MAGEC1: variants seen among roughly 807,000 people sequenced by gnomAD.
MAGEC1 encodes the protein MAGE family member C1.
In MAGEC1, 3 loss-of-function variants were observed where a neutral mutation model predicts 1.5. That is an observed-to-expected ratio of 1.97 (90% CI 0.90 to 5.10). MAGEC1 has a LOEUF of 5.10. Among genes scored for constraint, MAGEC1 ranks in the 30% most tolerant of loss-of-function variants. The probability of loss-of-function intolerance (pLI) is 0.02; values close to 1 mark genes in which losing one functional copy is unlikely to be tolerated. For missense variants in MAGEC1, 985 were observed against 803.1 expected (o/e 1.23, Z -2.74); for synonymous variants, 357 against 310.4 (o/e 1.15, Z -1.58).
chrX:141,906,701 A>G lies in MAGEC1; in HGVS notation c.1297A>G (p.Ser433Gly), dbSNP rs772957635. Residue 433 changes from serine to glycine, a missense_variant, in exon 4 of 4, where the codon AGT (serine) becomes GGT (glycine). Physicochemically the swap from Ser to Gly is moderately conservative, Grantham distance 56. Coordinates refer to ENST00000285879, the MANE Select transcript of MAGEC1 (RefSeq NM_005462.5). ...ACAGAGTTCTCCTGAGAGTGCTCAA[A>G]GTGCTTTTGAGGGTTTTCCCCAGTC... Reference protein sequence around the residue: ...ILQSSPESAQSAFEGFPQSPL... With the variant: ...ILQSSPESAQGAFEGFPQSPL... 1 of 1,202,860 alleles carries G rather than the reference A, an allele frequency of 8.3e-7. No individual in the cohort carries two copies. The highest frequency in any genetic ancestry group is 1.1e-6 in the Non-Finnish European group (1 of 891,218).
intron 3 of MAGEC1, 36 bp downstream of exon 3, chrX:141,905,112 T>C (rs920465830): frequency 4.1e-6 from 5 of 1,208,410 alleles, no homozygotes; most frequent in Non-Finnish European, 5.6e-6. Flanking sequence ...GCACTGTCCC[T>C]CTCTCCCTCA....
chrX:141,906,844 T>C lies in MAGEC1; in HGVS notation c.1440T>C (p.Ile480=), dbSNP rs911146565. ...FEGFPQSPLQ[I]PVSSSSSSST... ...GTTTTCCCCAGTCTCCTCTCCAGATTCCTGTGAGCTCCTCCTCCTCCTCCT... is the reference window on the plus strand; with the variant it reads ...GTTTTCCCCAGTCTCCTCTCCAGATCCCTGTGAGCTCCTCCTCCTCCTCCT... Residue 480 remains isoleucine (I), a synonymous_variant, in exon 4 of 4, where the codon ATT becomes ATC. Coordinates refer to ENST00000285879, the MANE Select transcript of MAGEC1 (RefSeq NM_005462.5). The C allele has an allele frequency of 8.3e-7, 1 of 1,206,415 alleles. No individual in the cohort carries two copies. The highest frequency in any genetic ancestry group is 1.8e-5 in the African/African-American group (1 of 56,071).
chrX:141,904,944 A>T, intron 2 of MAGEC1, 26 bp from the exon 3 acceptor site: 2 of 1,017,504 alleles, frequency 2.0e-6, no homozygotes, highest in Admixed American at 2.3e-5. Context: ...CTGTGCCCCG[A>T]GGTGCTTTCT....
Position 141,908,128 on chromosome X carries a change from G to A in MAGEC1, c.2724G>A (p.Leu908=). Residue 908 remains leucine (L), a synonymous_variant, in exon 4 of 4, where the codon CTG becomes CTA. Transcript: ENST00000285879. Reference sequence around the variant, plus strand: ...GCGAGCCCTTGTTCACTTATACACTGGATGAAAAGGTGGACGAGTTGGCGC... The same window carrying A: ...GCGAGCCCTTGTTCACTTATACACTAGATGAAAAGGTGGACGAGTTGGCGC... The part of the protein sequence containing the change: ...IESEPLFTYT[L]DEKVDELARF... The A allele has an allele frequency of 1.7e-6, 2 of 1,211,905 alleles. No individual in the cohort carries two copies. The highest frequency in any genetic ancestry group is 1.7e-5 in the African/African-American group (1 of 57,818).
At position 141,905,761 on chromosome X, in the gene MAGEC1, T is replaced by C; in HGVS notation, c.357T>C (p.Pro119=). 1 of 1,212,260 alleles carries C rather than the reference T, an allele frequency of 8.2e-7. No homozygotes were observed. The change falls in exon 4 of 4, where the codon CCT becomes CCC. Residue 119 remains proline (P), a synonymous_variant. Transcript: ENST00000285879. ...LSPLEISQSP[P]EGEDVQSPLQ... ...CTCTAGAGATTTCTCAGAGCCCTCC[T>C]GAGGGTGAGGATGTCCAGTCTCCTC... is the stretch of plus-strand genomic sequence containing the variant.
intron 1 of MAGEC1, 58 bp from the exon 2 acceptor site, chrX:141,904,659 G>A: frequency 5.5e-6 from 1 of 182,200 alleles, no homozygotes; most frequent in Non-Finnish European, 1.0e-5. Context: ...GACTCTGGGA[G>A]TCTGGCCAGC....
Position 141,904,811 on chromosome X carries a change from C to A in MAGEC1, c.-107C>A. ...AGGAGGCCCAGGCAGTGCCAGGAGT[C>A]AAGGTGAGTGCACGACCTGACTGTG... On this transcript the variant is annotated 5_prime_UTR_variant, in exon 2 of 4. Coordinates refer to ENST00000285879, the MANE Select transcript of MAGEC1 (RefSeq NM_005462.5). 1 of 425,048 alleles carries A rather than the reference C, an allele frequency of 2.4e-6. No homozygotes were observed. Among genetic ancestry groups the A allele is most frequent in the East Asian group, 3.9e-5 (1 of 25,784 alleles). The allele number at this position is 425,048 out of a possible 1,213,427, so 35.0% of individuals were successfully genotyped here. A position where few individuals can be genotyped will look rare whatever the true frequency, so the allele number is the denominator to read the frequency against.
rs775391750 is a variant in MAGEC1 at position 141,908,844 on chromosome X, A to G, written c.*11A>G. The G allele has an allele frequency of 2.6e-6, 3 of 1,165,767 alleles. No homozygotes were observed. The highest frequency in any genetic ancestry group is 4.1e-5 in the South Asian group (2 of 48,536). On this transcript the variant is annotated 3_prime_UTR_variant, in exon 4 of 4. Coordinates refer to ENST00000285879, the MANE Select transcript of MAGEC1 (RefSeq NM_005462.5). ...TTCTCTTCTGAGTGAAGTCTAGGGC[A>G]GATTCTTCCCTCTGAGTTTGAAGGG...
In MAGEC1 at chrX:141,906,139, ACTGAGTC is replaced by A; in HGVS notation, c.736_742del (p.Leu246PhefsTer25). 1.2e-5 allele frequency: 9 copies of A among 754,803 alleles called. 4 individuals are homozygous for A. Among genetic ancestry groups the A allele is most frequent in the Middle Eastern group, 6.1e-4 (2 of 3,267 alleles). 62.2% of individuals were successfully genotyped at this position (754,803 alleles called of 1,213,427 possible). On this transcript the variant is annotated frameshift_variant, in exon 4 of 4. Coordinates refer to ENST00000285879, the MANE Select transcript of MAGEC1 (RefSeq NM_005462.5). LOFTEE classifies it low-confidence loss of function (END_TRUNC). The stretch of plus-strand genomic sequence containing the variant: ...TGAGCCCCTCCTCCTCCTCCACTTT[ACTGAGTC>A]TTTTCCAGAGTTTCTCTGAGAGAAC...
intron 2 of MAGEC1, 30 bp downstream of exon 2, chrX:141,904,844 G>T: frequency 2.2e-6 from 1 of 459,453 alleles, no homozygotes; most frequent in East Asian, 3.7e-5. Flanking sequence ...GTGTACCAAG[G>T]GCCCTACCCC....
intron 2 of MAGEC1, 71 bp from the exon 3 acceptor site, chrX:141,904,899 C>T: frequency 1.4e-6 from 1 of 696,562 alleles, no homozygotes; most frequent in South Asian, 2.6e-5. Flanking sequence ...TAGCCACCCA[C>T]TGTCATTCCT....
At position 141,907,345 on chromosome X, in the gene MAGEC1, T is replaced by C. The variant is rs1234474660; in HGVS notation, c.1941T>C (p.Ser647=). ...PSSLPQSFPE[S]SQSPPEGPVQ... ...GTCTTCCCCAGAGTTTCCCTGAGAG[T>C]TCTCAGAGTCCTCCTGAGGGGCCTG... The change falls in exon 4 of 4, where the codon AGT becomes AGC. Residue 647 remains serine, a synonymous_variant. Transcript: ENST00000285879. 5.8e-6 allele frequency: 7 copies of C among 1,203,434 alleles called. No homozygotes were observed. Among genetic ancestry groups the C allele is most frequent in the East Asian group, 3.0e-5 (1 of 33,475 alleles).
At chrX:141,905,367 C>T (rs1440105093) in intron 3 of MAGEC1, 42 bp from the exon 4 acceptor site, 4 of 1,134,480 alleles carry the variant, frequency 3.5e-6, no homozygotes, top group South Asian at 2.0e-5. Flanking sequence ...TCCTGTTTTT[C>T]TTTCTCATCC....
In MAGEC1 at chrX:141,909,122, C is replaced by G. The variant is rs1285128946; in HGVS notation, c.*289C>G. On this transcript the variant is annotated 3_prime_UTR_variant, in exon 4 of 4. Coordinates refer to ENST00000285879, the MANE Select transcript of MAGEC1 (RefSeq NM_005462.5). ...GATATTTTGTAAAAACAAAAACACACCCAAACACACCACATTGGGAAAACC... is the reference window on the plus strand; with the variant it reads ...GATATTTTGTAAAAACAAAAACACAGCCAAACACACCACATTGGGAAAACC... 1 of 216,635 alleles carries G rather than the reference C, an allele frequency of 4.6e-6. No individual in the cohort carries two copies. The highest frequency in any genetic ancestry group is 8.3e-6 in the Non-Finnish European group (1 of 120,216). The allele number at this position is 216,635 out of a possible 1,213,427, so 17.9% of individuals were successfully genotyped here.
Position 141,907,614 on chromosome X carries a change from A to G in MAGEC1, c.2210A>G (p.Gln737Arg). ...PQFPPQGEDF[Q>R]SSLQSPVSIC... ...TTTCCTCCTCAGGGGGAGGACTTCC[A>G]GTCTTCTCTCCAGAGTCCTGTGAGT... is the stretch of plus-strand genomic sequence containing the variant. The change falls in exon 4 of 4, where the codon CAG (glutamine) becomes CGG (arginine). Residue 737 changes from glutamine to arginine, a missense_variant. Gln to Arg is a conservative substitution (Grantham distance 43). Coordinates refer to ENST00000285879, the MANE Select transcript of MAGEC1 (RefSeq NM_005462.5). The G allele has an allele frequency of 8.3e-7, 1 of 1,206,594 alleles. No homozygotes were observed. Among genetic ancestry groups the G allele is most frequent in the South Asian group, 1.8e-5 (1 of 56,766 alleles).
rs555572058 is a variant in MAGEC1, at chrX:141,908,332, T to C, written c.2928T>C (p.Phe976=). The part of the protein sequence containing the change: ...REVDPDDSYV[F]VNTLDLTSEG... ...TGGACCCTGATGACTCCTATGTCTT[T>C]GTAAACACATTAGACCTCACCTCTG... is the stretch of plus-strand genomic sequence containing the variant. Residue 976 remains phenylalanine (F), a synonymous_variant, in exon 4 of 4, where the codon TTT becomes TTC. Transcript: ENST00000285879. 226 of 1,209,630 alleles carry C rather than the reference T, an allele frequency of 1.9e-4. 1 individual carries two copies. The South Asian group carries it at 3.6e-3, about 20-fold the overall frequency.
Position 141,905,923 on chromosome X carries a change from C to T in MAGEC1, c.519C>T (p.Ser173=), listed in dbSNP as rs1435919855. The T allele has an allele frequency of 8.4e-7, 1 of 1,192,072 alleles. No individual in the cohort carries two copies. The highest frequency in any genetic ancestry group is 1.1e-6 in the Non-Finnish European group (1 of 886,712). The stretch of plus-strand genomic sequence containing the variant: ...TTCCTGTGAGCGCCGCCTCCTCCTC[C>T]ACTTTAGTGAGTATTTTCCAGAGTT... ...LQIPVSAASS[S]TLVSIFQSSP... The change falls in exon 4 of 4, where the codon TCC becomes TCT. Residue 173 remains serine, a synonymous_variant. Transcript: ENST00000285879.
At position 141,908,279 on chromosome X, in the gene MAGEC1, A is replaced by G; in HGVS notation, c.2875A>G (p.Ile959Val). 8.3e-7 allele frequency: 1 copy of G among 1,211,223 alleles called. No individual in the cohort carries two copies. Among genetic ancestry groups the G allele is most frequent in the Non-Finnish European group, 1.1e-6 (1 of 895,367 alleles). ...CAGGAAAGCCCGTGAGTTCATAGAGATACTTTTTGGCATTTCCCTGAGAGA... is the reference window on the plus strand; with the variant it reads ...CAGGAAAGCCCGTGAGTTCATAGAGGTACTTTTTGGCATTTCCCTGAGAGA... ...IFRKAREFIE[I>V]LFGISLREVD... is the part of the protein sequence containing the mutation. The change falls in exon 4 of 4, where the codon ATA (isoleucine) becomes GTA (valine). Residue 959 changes from isoleucine (I) to valine (V), a missense_variant. By Grantham distance (29) the Ile-to-Val change is conservative. Coordinates refer to ENST00000285879, the MANE Select transcript of MAGEC1 (RefSeq NM_005462.5).
Position 141,909,147 on chromosome X carries a change from C to T in MAGEC1, c.*314C>T, listed in dbSNP as rs1169260508. 5.4e-6 allele frequency: 1 copy of T among 185,549 alleles called. No individual in the cohort carries two copies. The highest frequency in any genetic ancestry group is 1.0e-5 in the Non-Finnish European group (1 of 99,939). 15.3% of individuals were successfully genotyped at this position (185,549 alleles called of 1,213,427 possible). On this transcript the variant is annotated 3_prime_UTR_variant, in exon 4 of 4. Transcript: ENST00000285879. ...CCCAAACACACCACATTGGGAAAACCTTCTGCCTCATTTTGTGATGTGTCA... is the reference window on the plus strand; with the variant it reads ...CCCAAACACACCACATTGGGAAAACTTTCTGCCTCATTTTGTGATGTGTCA...
Sources: allele counts gnomAD v4.1 joint callset, GRCh38; gene constraint gnomAD v4.1.1; transcripts MANE v1.5; gene names NCBI Gene and HGNC (gene_info 2026-07-23, HGNC 2026-07-21).